Variants in AGO3 observed in about 807,000 individuals in gnomAD.
AGO3 encodes the protein argonaute RISC catalytic component 3, also known as protein argonaute-3.
In AGO3, 16 loss-of-function variants were observed where a neutral mutation model predicts 105.5. That is an observed-to-expected ratio of 0.15 (90% CI 0.10 to 0.23). The LOEUF is 0.23. Ranked by LOEUF, AGO3 falls within the 10% of genes least tolerant of loss-of-function variation. The pLI is 1.00. For missense variants in AGO3, 534 were observed against 1,088.0 expected, an observed-to-expected ratio of 0.49 and a Z score of 7.16; for synonymous variants, 340 against 367.3, an observed-to-expected ratio of 0.93 and a Z score of 0.85.
intron 2 of AGO3, among the ~76,000 whole-genome samples, chr1:35,958,733 C>T (rs1183072579): frequency 6.6e-6 from 1 of 151,984 alleles, no homozygotes; most frequent in Non-Finnish European, 1.5e-5. Flanking sequence ...TCTTGTTGCA[C>T]AAGTATTTAT....
intron 17 of AGO3, 46 bp from the exon 18 acceptor site, chr1:36,054,898 CAA>C (rs1557718053): frequency 1.3e-6 from 2 of 1,577,064 alleles, no homozygotes; most frequent in East Asian, 2.2e-5. Context: ...CAAAACAAAA[CAA>C]AAAGAGTTCA....
chr1:35,962,533 A>T (rs1646696575), intron 2 of AGO3, among the ~76,000 whole-genome samples: 1 of 147,874 alleles, frequency 6.8e-6, no homozygotes, highest in Non-Finnish European at 1.5e-5. Context: ...ACAGAGCGAG[A>T]CTCCCTCTCA....
chr1:35,973,638 C>T (rs1646906833), intron 5 of AGO3, 127 bp downstream of exon 5: 9 of 1,054,944 alleles, frequency 8.5e-6, no homozygotes, highest in Admixed American at 3.1e-5. Flanking sequence ...TTATGATCTA[C>T]TGGAGAAACC....
intron 1 of AGO3, among the ~76,000 whole-genome samples, chr1:35,932,781 G>A (rs945179481): frequency 2.6e-5 from 4 of 152,122 alleles, no homozygotes; most frequent in Admixed American, 1.3e-4. Context: ...TACTGTACAG[G>A]AGATGTGATT....
chr1:35,996,367 A>G (rs1639810372), intron 5 of AGO3, among the ~76,000 whole-genome samples: 1 of 152,076 alleles, frequency 6.6e-6, no homozygotes, highest in East Asian at 1.9e-4. Flanking sequence ...CTGAGAAAAC[A>G]CATTTGCAAA....
chr1:36,012,209 C>A (rs1401877639), intron 9 of AGO3, among the ~76,000 whole-genome samples: 1 of 151,646 alleles, frequency 6.6e-6, no homozygotes, highest in Admixed American at 6.6e-5. Flanking sequence ...TGGCATGCAC[C>A]TATAGTCCCA....
chr1:35,955,516 AAT>A (rs1203053935), intron 2 of AGO3, among the ~76,000 whole-genome samples: 13 of 152,304 alleles, frequency 8.5e-5, no homozygotes, highest in African/African-American at 2.6e-4. Context: ...ACCCTGACTG[AAT>A]ATGTGTCACA....
Position 35,931,202 on chromosome 1 carries a change from C to A in AGO3, c.-225C>A. ...GGACGGGACTCCCCTCTGTCCGCGCCTCACATCTCCCCTTCCTCTCGCCTA... is the reference window on the plus strand; with the variant it reads ...GGACGGGACTCCCCTCTGTCCGCGCATCACATCTCCCCTTCCTCTCGCCTA... On this transcript the variant is annotated 5_prime_UTR_variant, in exon 1 of 19. Transcript: ENST00000373191. The A allele has an allele frequency of 2.5e-6, 1 of 404,534 alleles. No homozygotes were observed. The allele number at this position is 404,534 out of a possible 1,614,324, so 25.1% of individuals were successfully genotyped here.
intron 16 of AGO3, among the ~76,000 whole-genome samples, chr1:36,042,237 A>G (rs552862152): frequency 4.6e-4 from 70 of 152,222 alleles, no homozygotes; most frequent in African/African-American, 1.6e-3. Context: ...GGCATGTGCC[A>G]CCACACCCGG....
chr1:36,061,934 G>A lies in AGO3; in HGVS notation c.*6189G>A, dbSNP rs1643031378. ...CAAGGGAACCAAGGAAAGCTTTTATGCAGTAAAGTATCTAGGTAAATGCTC... is the reference window on the plus strand; with the variant it reads ...CAAGGGAACCAAGGAAAGCTTTTATACAGTAAAGTATCTAGGTAAATGCTC... On this transcript the variant is annotated 3_prime_UTR_variant, in exon 19 of 19. Transcript: ENST00000373191. 1 of 152,086 alleles carries A rather than the reference G, an allele frequency of 6.6e-6. No individual in the cohort carries two copies. The highest frequency in any genetic ancestry group is 2.4e-5 in the African/African-American group (1 of 41,390). 9.4% of individuals were successfully genotyped at this position (152,086 alleles called of 1,614,324 possible). A position where few individuals can be genotyped will look rare whatever the true frequency, so the allele number is the denominator to read the frequency against.
At chr1:36,005,490 T>A (rs1640296673) in intron 6 of AGO3, among the ~76,000 whole-genome samples, 2 of 152,212 alleles carry the variant, frequency 1.3e-5, no homozygotes. Context: ...AGTAAGAAAC[T>A]GTTTATGTAA....
rs936319926 is a variant in AGO3, at chr1:36,060,897, A to AC, written c.*5153dup. 2.6e-5 allele frequency: 4 copies of AC among 152,158 alleles called. No homozygotes were observed. The highest frequency in any genetic ancestry group is 5.9e-5 in the Non-Finnish European group (4 of 68,036). The allele number at this position is 152,158 out of a possible 1,614,324, so 9.4% of individuals were successfully genotyped here. A position where few individuals can be genotyped will look rare whatever the true frequency, so the allele number is the denominator to read the frequency against. ...TTGTTGGGAGGTTTGACATCAAGTA[A>AC]CGCCTTCCTGTGTAGCAGTATAACC... On this transcript the variant is annotated 3_prime_UTR_variant, in exon 19 of 19. Transcript: ENST00000373191.
At chr1:36,051,708 A>G (rs1009054700) in intron 17 of AGO3, among the ~76,000 whole-genome samples, 1 of 152,150 alleles carries the variant, frequency 6.6e-6, no homozygotes, top group Non-Finnish European at 1.5e-5. Context: ...AAAACAAGGT[A>G]TTAATATCCA....
chr1:35,931,772 T>C (rs1646054360), intron 1 of AGO3, among the ~76,000 whole-genome samples: 1 of 152,256 alleles, frequency 6.6e-6, no homozygotes, highest in Non-Finnish European at 1.5e-5. Context: ...GCGTGTCCTT[T>C]AGCCAGGTTG....
At chr1:35,947,892 T>C (rs369195439) in intron 2 of AGO3, among the ~76,000 whole-genome samples, 3 of 152,106 alleles carry the variant, frequency 2.0e-5, no homozygotes, top group Non-Finnish European at 2.9e-5. Flanking sequence ...CTGGTAGATA[T>C]TTACACTTTA....
chr1:35,972,297 C>T, intron 4 of AGO3, 65 bp downstream of exon 4: 1 of 1,517,252 alleles, frequency 6.6e-7, no homozygotes, highest in Non-Finnish European at 9.0e-7. Context: ...TGCAGGCTTC[C>T]CTTGGTTAAA....
intron 1 of AGO3, among the ~76,000 whole-genome samples, chr1:35,934,487 A>G (rs376157123): frequency 9.8e-5 from 15 of 152,308 alleles, no homozygotes; most frequent in African/African-American, 3.6e-4. Context: ...AGTTATTTGG[A>G]ACCAAGTTCC....
In AGO3 at chr1:36,071,089, TCTGA is replaced by T. The variant is rs1251949945; in HGVS notation, c.*15348_*15351del. On this transcript the variant is annotated 3_prime_UTR_variant, in exon 19 of 19. Transcript: ENST00000373191. ...TGGTAATATGACCATTGCAGTGTAA[TCTGA>T]CTGCTCACTCTAGAGAACACTTCTG... 3.9e-5 allele frequency: 6 copies of T among 152,180 alleles called. No homozygotes were observed. Among genetic ancestry groups the T allele is most frequent in the Non-Finnish European group, 4.4e-5 (3 of 68,032 alleles). The allele number at this position is 152,180 out of a possible 1,614,324, so 9.4% of individuals were successfully genotyped here.
At chr1:35,957,508 T>A (rs998286409) in intron 2 of AGO3, among the ~76,000 whole-genome samples, 5 of 151,880 alleles carry the variant, frequency 3.3e-5, no homozygotes, top group African/African-American at 1.2e-4. Context: ...GGCAGATCAC[T>A]TGAGGTCAGG....
Sources: allele counts gnomAD v4.1 joint callset (sites outside exome capture counted in the v4.1 genomes callset), GRCh38; gene constraint gnomAD v4.1.1; transcripts MANE v1.5; gene names NCBI Gene and HGNC (gene_info 2026-07-23, HGNC 2026-07-21).